The following NEB variants were observed in gnomAD, a reference collection of about 807,000 sequenced individuals.
NEB encodes the protein nebulin.
A neutral mutation model predicts 952.2 loss-of-function variants in NEB; 512 were observed. The observed-to-expected ratio is 0.54, with a 90% CI of 0.50 to 0.58. The LOEUF (loss-of-function observed/expected upper bound fraction) is 0.58, where lower values mean the gene tolerates loss of function less well. NEB is among the 20% of genes least tolerant of loss of function. The pLI, the probability that NEB is intolerant of heterozygous loss-of-function variation, is 0.00. For missense variants in NEB, 8,428 were observed against 9,231.1 expected, an observed-to-expected ratio of 0.91 and a Z score of 3.56; for synonymous variants, 2,900 against 3,149.8, an observed-to-expected ratio of 0.92 and a Z score of 2.66.
chr2:151,656,426 T>C lies in NEB; in HGVS notation c.6222A>G (p.Lys2074=). Reference sequence around the variant, plus strand: ...CCTCGAGACTGCGGAAACCAACCATTTTCCCCTTCCCTTTTTCATAATTGT... The same window carrying C: ...CCTCGAGACTGCGGAAACCAACCATCTTCCCCTTCCCTTTTTCATAATTGT... ...YKYNYEKGKG[K]MVGFRSLEDD... The change falls in exon 49 of 182, where the codon AAA becomes AAG. Residue 2074 remains lysine (K), a synonymous_variant. Coordinates refer to ENST00000397345, the MANE Select transcript of NEB (RefSeq NM_001164508.2). 6.2e-7 allele frequency: 1 copy of C among 1,612,972 alleles called. No individual in the cohort carries two copies. Among genetic ancestry groups the C allele is most frequent in the Non-Finnish European group, 8.5e-7 (1 of 1,179,286 alleles).
rs759962661 is a variant in NEB, at chr2:151,494,183, C to G, written c.24557G>C (p.Arg8186Pro). ...PVTPEMQRVK[R>P]NQENISSVLY... Reference sequence around the variant, plus strand: ...TACCGAGCTAATGTTTTCTTGATTGCGTTTGACTCTCTGCATCTCAGGAGT... The same window carrying G: ...TACCGAGCTAATGTTTTCTTGATTGGGTTTGACTCTCTGCATCTCAGGAGT... Residue 8186 changes from arginine (R) to proline (P), a missense_variant, in exon 174 of 182, where the codon CGC (arginine) becomes CCC (proline). Coordinates refer to ENST00000397345, the MANE Select transcript of NEB (RefSeq NM_001164508.2). 1.2e-6 allele frequency: 2 copies of G among 1,607,224 alleles called. No homozygotes were observed. The highest frequency in any genetic ancestry group is 2.7e-5 in the African/African-American group (2 of 74,852).
chr2:151,684,846 T>C lies in NEB; in HGVS notation c.2767A>G (p.Ser923Gly). The C allele has an allele frequency of 6.2e-7, 1 of 1,613,404 alleles. No individual in the cohort carries two copies. The highest frequency in any genetic ancestry group is 8.5e-7 in the Non-Finnish European group (1 of 1,179,616). The change falls in exon 28 of 182, where the codon AGT becomes GGT. Residue 923 changes from serine (S) to glycine (G), a missense_variant. By Grantham distance (56) the Ser-to-Gly change is moderately conservative. Coordinates refer to ENST00000397345, the MANE Select transcript of NEB (RefSeq NM_001164508.2). ...ATGCTATCAGGGGGGTAGCTGTAAC[T>C]GTGTAAGATGTGCTTATAATCAACG... ...SDVDYKHILH[S>G]YSYPPDSINV...
chr2:151,496,430 T>G, intron 172 of NEB, 62 bp from the exon 173 acceptor site: 2 of 1,536,876 alleles, frequency 1.3e-6, no homozygotes, highest in Non-Finnish European at 1.8e-6. Context: ...GTTGAGAGGT[T>G]TTAAGGGTAA....
intron 54 of NEB, among the ~76,000 whole-genome samples, chr2:151,649,668 T>C (rs2099008373): frequency 1.3e-5 from 2 of 152,362 alleles, no homozygotes; most frequent in East Asian, 1.9e-4. Flanking sequence ...TATTATGTGC[T>C]AGATACTGGT....
chr2:151,653,751 G>A (rs900109668), intron 52 of NEB, among the ~76,000 whole-genome samples: 9 of 152,118 alleles, frequency 5.9e-5, no homozygotes, highest in African/African-American at 2.2e-4. Flanking sequence ...ACATCTCCAA[G>A]TAGAGCATCT....
In NEB at chr2:151,732,046, T is replaced by C. The variant is rs184840355; in HGVS notation, c.36+1075A>G. Among the ~76,000 whole-genome samples the C allele has an allele frequency of 1.6e-4, 25 of 152,306 alleles. 1 individual carries two copies. Among genetic ancestry groups the C allele is most frequent in the African/African-American group, 5.1e-4 (21 of 41,578 alleles). On this transcript the variant is annotated intron_variant, in intron 3 of 181. Transcript: ENST00000397345. ...AAATTTTCTTCATCTAAATATAGAC[T>C]GGTCACTAAAATAATTTTCCAAAGA...
intron 46 of NEB, 51 bp from the exon 47 acceptor site, chr2:151,659,220 C>T (rs549110906): frequency 1.3e-5 from 15 of 1,153,666 alleles, no homozygotes; most frequent in Admixed American, 1.7e-5. Context: ...AAGAAGCTCA[C>T]TTAGTACATA....
At chr2:151,569,915 C>T (rs978647471) in intron 109 of NEB, among the ~76,000 whole-genome samples, 166 bp downstream of exon 109, 9 of 152,058 alleles carry the variant, frequency 5.9e-5, no homozygotes, top group African/African-American at 1.9e-4. Context: ...AGTCCAGGTC[C>T]TTCTTGGATT....
chr2:151,546,295 G>A, intron 134 of NEB, 50 bp downstream of exon 134: 2 of 1,418,584 alleles, frequency 1.4e-6, no homozygotes, highest in South Asian at 1.2e-5. Flanking sequence ...GGTGATGGGG[G>A]CATCCAGCTG....
chr2:151,498,483 G>GACTC, intron 169 of NEB, 131 bp from the exon 170 acceptor site: 1 of 635,490 alleles, frequency 1.6e-6, no homozygotes, highest in Non-Finnish European at 2.7e-6. Context: ...GAAGCTTTTA[G>GACTC]ACTCAACCTG....
In NEB at chr2:151,560,750, G is replaced by A. The variant is rs540635854; in HGVS notation, c.19207-51C>T. 6.8e-5 allele frequency: 94 copies of A among 1,385,328 alleles called. 1 individual carries two copies. The East Asian group carries it at 1.9e-3, about 28-fold the overall frequency. The allele number at this position is 1,385,328 out of a possible 1,614,324, so 85.8% of individuals were successfully genotyped here. ...GAATATGGGAAAATGCATCTGGTTA[G>A]CTTCTGAGTAGCAGGTTTTCCTTCT... is the stretch of plus-strand genomic sequence containing the variant. On this transcript the variant is annotated intron_variant, in intron 123 of 181. Transcript: ENST00000397345.
intron 145 of NEB, among the ~76,000 whole-genome samples, chr2:151,529,985 C>T (rs190337294): frequency 6.6e-6 from 1 of 152,328 alleles, no homozygotes; most frequent in Admixed American, 6.5e-5. Context: ...CTCACCCAGA[C>T]AGAATTAGTC....
At chr2:151,501,196 C>CTAT (rs2153066909) in intron 168 of NEB, among the ~76,000 whole-genome samples, 195 bp downstream of exon 168, 1 of 152,040 alleles carries the variant, frequency 6.6e-6, no homozygotes, top group African/African-American at 2.4e-5. Context: ...TTTTAAGGGA[C>CTAT]TATTATAGAA....
At chr2:151,702,018 C>T (rs899598674) in intron 13 of NEB, among the ~76,000 whole-genome samples, 9 of 149,488 alleles carry the variant, frequency 6.0e-5, no homozygotes, top group Non-Finnish European at 1.2e-4. Context: ...TATAAATTCC[C>T]CTCTACACAC....
At chr2:151,563,555 G>A (rs2153718691) in intron 119 of NEB, 51 bp downstream of exon 119, 2 of 1,472,540 alleles carry the variant, frequency 1.4e-6, no homozygotes, top group Non-Finnish European at 1.9e-6. Context: ...GGCAGACACG[G>A]CAGCACACTT....
Position 151,493,830 on chromosome 2 carries a change from G to A in NEB, c.24617C>T (p.Thr8206Ile), listed in dbSNP as rs996202221. 2.5e-6 allele frequency: 4 copies of A among 1,586,410 alleles called. No homozygotes were observed. Among genetic ancestry groups the A allele is most frequent in the Non-Finnish European group, 3.4e-6 (4 of 1,165,218 alleles). Residue 8206 changes from threonine (T) to isoleucine (I), a missense_variant, in exon 175 of 182, where the codon ACA becomes ATA. Thr to Ile is a moderately conservative substitution (Grantham distance 89). This residue lies in a region of NEB where 3,374 missense variants were observed against 3,651.5 expected (regional missense o/e 0.92). Transcript: ENST00000397345. ...YKENLGKATP[T>I]PFTPEMERVK... ...TCTTTCCATCTCAGGAGTAAAGGGT[G>A]TGGGGGTTGCTTTCCCCAGGTTCTC...
At chr2:151,506,376 G>C (rs771031318) in intron 163 of NEB, 118 bp from the exon 164 acceptor site, 2 of 746,810 alleles carry the variant, frequency 2.7e-6, no homozygotes, top group Non-Finnish European at 4.6e-6. Context: ...ATGTTCCCAG[G>C]CAAGTGCCAG....
At chr2:151,573,881 T>C (rs2096734933) in intron 107 of NEB, among the ~76,000 whole-genome samples, 1 of 152,168 alleles carries the variant, frequency 6.6e-6, no homozygotes, top group African/African-American at 2.4e-5. Flanking sequence ...CAGTTGATTC[T>C]CTTTTTTAAG....
In NEB at chr2:151,630,714, C is replaced by T. The variant is rs113803601; in HGVS notation, c.9723+1G>A. 5 of 1,600,440 alleles carry T rather than the reference C, an allele frequency of 3.1e-6. No individual in the cohort carries two copies. Among genetic ancestry groups the T allele is most frequent in the Non-Finnish European group, 4.3e-6 (5 of 1,171,736 alleles). ...ATAGCACCACAGATTTTTGCTCCTA[C>T]CTCACTGTAGTTGATTTTGTTCTGC... On this transcript the variant is annotated splice_donor_variant, in intron 67 of 181. Transcript: ENST00000397345. LOFTEE classifies it high-confidence loss of function.
Sources: gnomAD v4.1 joint callset for allele counts (sites outside exome capture counted in the v4.1 genomes callset) on GRCh38, gnomAD v4.1.1 for gene constraint, gnomAD v4.1.1 regional missense constraint, MANE v1.5 for transcripts, NCBI Gene and HGNC (gene_info 2026-07-23, HGNC 2026-07-21) for gene names.